PLG: variants seen among roughly 807,000 people sequenced by gnomAD.
PLG encodes plasminogen, also known as plasmin.
PLG carries 41 observed loss-of-function variants against 104.4 expected under a neutral mutation model. The observed-to-expected ratio is 0.39, with a 90% CI of 0.31 to 0.51. The LOEUF (loss-of-function observed/expected upper bound fraction) is 0.51. Among genes scored for constraint, PLG ranks in the 20% least tolerant of loss-of-function variants. The pLI, the probability that PLG is intolerant of heterozygous loss-of-function variation, is 0.76. For missense variants in PLG, 891 were observed against 1,003.6 expected, an observed-to-expected ratio of 0.89 and a Z score of 1.52; for synonymous variants, 337 against 357.1, an observed-to-expected ratio of 0.94 and a Z score of 0.63.
At chr6:160,712,620 A>G (rs1777664824) in intron 4 of PLG, among the ~76,000 whole-genome samples, 1 of 152,224 alleles carries the variant, frequency 6.6e-6, no homozygotes, top group Non-Finnish European at 1.5e-5. Flanking sequence ...GTTCACATGG[A>G]CAAAATGGTA....
At chr6:160,708,220 T>G (rs2115152743) in intron 3 of PLG, 1 of 165,482 alleles carries the variant, frequency 6.0e-6, no homozygotes, top group South Asian at 1.5e-4. Context: ...AATACTGAGG[T>G]GTTTTAATCC....
chr6:160,723,424 A>G lies in PLG; in HGVS notation c.1256+857A>G, dbSNP rs2115168022. On this transcript the variant is annotated intron_variant, in intron 10 of 18. Transcript: ENST00000308192. The surrounding 1 kb of genome is among the most constrained non-coding windows in gnomAD (Gnocchi z 4.7). ...ACAGATAAACTGAGATAATTTAGAA[A>G]GGGAATCAAATGAGATCAACCCAAT... Among the ~76,000 whole-genome samples, 1 of 152,326 alleles carries G rather than the reference A, an allele frequency of 6.6e-6. No individual in the cohort carries two copies. The highest frequency in any genetic ancestry group is 1.9e-4 in the East Asian group (1 of 5,188).
In PLG at chr6:160,706,587, A is replaced by T. The variant is rs771871102; in HGVS notation, c.185+45A>T. The T allele has an allele frequency of 1.5e-5, 24 of 1,568,032 alleles. No homozygotes were observed. In the South Asian group the frequency reaches 1.8e-4, roughly 12 times the overall value. On this transcript the variant is annotated intron_variant, in intron 2 of 18. Coordinates refer to ENST00000308192, the MANE Select transcript of PLG (RefSeq NM_000301.5). ...ACCTACGCAGGAATCTGTAATTCAGATGGCAAGTAATTTACTCACAAATTT... is the reference window on the plus strand; with the variant it reads ...ACCTACGCAGGAATCTGTAATTCAGTTGGCAAGTAATTTACTCACAAATTT...
rs1777795780 is a variant in PLG, at chr6:160,719,461, A to G, written c.1096+623A>G. 6.6e-6 allele frequency among the ~76,000 whole-genome samples: 1 copy of G among 152,172 alleles called. No homozygotes were observed. On this transcript the variant is annotated intron_variant, in intron 9 of 18. Transcript: ENST00000308192. This position sits in a 1 kb window ranked among gnomAD's most constrained non-coding sequence, Gnocchi z 4.1. The stretch of plus-strand genomic sequence containing the variant: ...TATATCTTTTAAATTTGTATGATAT[A>G]TCTTTTAAATTTATCTGAGCTTTTA...
Position 160,738,458 on chromosome 6 carries a change from C to T in PLG, c.1803-80C>T, listed in dbSNP as rs1011526421. 17 of 879,610 alleles carry T rather than the reference C, an allele frequency of 1.9e-5. No homozygotes were observed. Among genetic ancestry groups the T allele is most frequent in the South Asian group, 3.9e-5 (3 of 76,238 alleles). 54.5% of individuals were successfully genotyped at this position (879,610 alleles called of 1,614,324 possible). A position where few individuals can be genotyped will look rare whatever the true frequency, so the allele number is the denominator to read the frequency against. ...ATGAACATGGTCAAAATTAAGTGAA[C>T]GTGTCTTTCTGGCTTTCTGTACAAT... On this transcript the variant is annotated intron_variant, in intron 14 of 18. Coordinates refer to ENST00000308192, the MANE Select transcript of PLG (RefSeq NM_000301.5). The surrounding 1 kb of genome is among the most constrained non-coding windows in gnomAD (Gnocchi z 6.8).
At position 160,737,729 on chromosome 6, in the gene PLG, TAA is replaced by T. The variant is rs1413985549; in HGVS notation, c.1802+724_1802+725del. On this transcript the variant is annotated intron_variant, in intron 14 of 18. Coordinates refer to ENST00000308192, the MANE Select transcript of PLG (RefSeq NM_000301.5). The surrounding 1 kb of genome is among the most constrained non-coding windows in gnomAD (Gnocchi z 4.7). ...CCTGTGCTCAATTGCTGTTTTCCCC[TAA>T]AGAGACTCTTTTCCATAAGTTTGTG... Among the ~76,000 whole-genome samples, 1 of 152,212 alleles carries T rather than the reference TAA, an allele frequency of 6.6e-6. No individual in the cohort carries two copies. The highest frequency in any genetic ancestry group is 1.5e-5 in the Non-Finnish European group (1 of 68,030).
intron 17 of PLG, among the ~76,000 whole-genome samples, chr6:160,751,827 T>C (rs1778407019): frequency 6.6e-6 from 1 of 152,244 alleles, no homozygotes; most frequent in Non-Finnish European, 1.5e-5. Context: ...TTTCAGACTC[T>C]ACATTTTAAA....
chr6:160,739,140 G>A lies in PLG; in HGVS notation c.1950G>A (p.Gln650=), dbSNP rs768551185. 1 of 1,614,144 alleles carries A rather than the reference G, an allele frequency of 6.2e-7. No individual in the cohort carries two copies. The highest frequency in any genetic ancestry group is 8.5e-7 in the Non-Finnish European group (1 of 1,180,012). Residue 650 remains glutamine (Q), a synonymous_variant, in exon 16 of 19, where the codon CAG becomes CAA. Transcript: ENST00000308192. This position sits in a 1 kb window ranked among gnomAD's most constrained non-coding sequence, Gnocchi z 4.4. ...AAGTGAATCTCGAACCGCATGTTCAGGAAATAGAAGTGTCTAGGCTGTTCT... is the reference window on the plus strand; with the variant it reads ...AAGTGAATCTCGAACCGCATGTTCAAGAAATAGAAGTGTCTAGGCTGTTCT... The part of the protein sequence containing the change: ...HQEVNLEPHV[Q]EIEVSRLFLE...
At position 160,753,349 on chromosome 6, in the gene PLG, T is replaced by A. The variant is rs979927164; in HGVS notation, c.*288T>A. 12 of 447,524 alleles carry A rather than the reference T, an allele frequency of 2.7e-5. No individual in the cohort carries two copies. Among genetic ancestry groups the A allele is most frequent in the African/African-American group, 2.2e-4 (11 of 50,068 alleles). 27.7% of individuals were successfully genotyped at this position (447,524 alleles called of 1,614,324 possible). A position where few individuals can be genotyped will look rare whatever the true frequency, so the allele number is the denominator to read the frequency against. On this transcript the variant is annotated 3_prime_UTR_variant, in exon 19 of 19. Coordinates refer to ENST00000308192, the MANE Select transcript of PLG (RefSeq NM_000301.5). The surrounding 1 kb of genome is among the most constrained non-coding windows in gnomAD (Gnocchi z 5.4). Reference sequence around the variant, plus strand: ...TGCTCTTTGTTCACCCCACCAATTTTTAAATGGGCAGATGGGGGGATTTAG... The same window carrying A: ...TGCTCTTTGTTCACCCCACCAATTTATAAATGGGCAGATGGGGGGATTTAG...
intron 3 of PLG, among the ~76,000 whole-genome samples, chr6:160,710,443 C>T (rs1244737786): frequency 6.6e-6 from 1 of 151,930 alleles, no homozygotes; most frequent in Non-Finnish European, 1.5e-5. Context: ...GCATGTGGAC[C>T]CAGGTGGGCA....
Position 160,739,231 on chromosome 6 carries a change from C to T in PLG, c.2018+23C>T. On this transcript the variant is annotated intron_variant, in intron 16 of 18. Coordinates refer to ENST00000308192, the MANE Select transcript of PLG (RefSeq NM_000301.5). This position sits in a 1 kb window ranked among gnomAD's most constrained non-coding sequence, Gnocchi z 4.4. Reference sequence around the variant, plus strand: ...CAGGTACTCGTTCACCTGTGGTCTTCACCCCACGCTGGTGAAGATATTTGC... The same window carrying T: ...CAGGTACTCGTTCACCTGTGGTCTTTACCCCACGCTGGTGAAGATATTTGC... The T allele has an allele frequency of 6.2e-7, 1 of 1,614,048 alleles. No individual in the cohort carries two copies. Among genetic ancestry groups the T allele is most frequent in the Non-Finnish European group, 8.5e-7 (1 of 1,179,956 alleles).
At chr6:160,742,456 T>C (rs1321282695) in intron 17 of PLG, among the ~76,000 whole-genome samples, 17 of 152,196 alleles carry the variant, frequency 1.1e-4, no homozygotes, top group Admixed American at 1.0e-3. Flanking sequence ...ATGTCTTCTT[T>C]AGAAAAGTGT....
chr6:160,731,326 G>A lies in PLG; in HGVS notation c.1438+94G>A, dbSNP rs554476170. On this transcript the variant is annotated intron_variant, in intron 11 of 18. Coordinates refer to ENST00000308192, the MANE Select transcript of PLG (RefSeq NM_000301.5). This position sits in a 1 kb window ranked among gnomAD's most constrained non-coding sequence, Gnocchi z 5.1. ...GATGCAGAAACCTTCCATGCTACACGAGAAATCAAGTGTTTTTAGAGGGTC... is the reference window on the plus strand; with the variant it reads ...GATGCAGAAACCTTCCATGCTACACAAGAAATCAAGTGTTTTTAGAGGGTC... The A allele has an allele frequency of 1.7e-5, 19 of 1,119,340 alleles. No homozygotes were observed. Among genetic ancestry groups the A allele is most frequent in the East Asian group, 1.2e-4 (5 of 41,780 alleles). The allele number at this position is 1,119,340 out of a possible 1,614,324, so 69.3% of individuals were successfully genotyped here. A position where few individuals can be genotyped will look rare whatever the true frequency, so the allele number is the denominator to read the frequency against.
In PLG at chr6:160,731,976, G is replaced by A; in HGVS notation, c.1587+83G>A. 2.2e-6 allele frequency: 3 copies of A among 1,386,844 alleles called. No individual in the cohort carries two copies. The highest frequency in any genetic ancestry group is 2.0e-6 in the Non-Finnish European group (2 of 977,356). 85.9% of individuals were successfully genotyped at this position (1,386,844 alleles called of 1,614,324 possible). On this transcript the variant is annotated intron_variant, in intron 12 of 18. Transcript: ENST00000308192. This position sits in a 1 kb window ranked among gnomAD's most constrained non-coding sequence, Gnocchi z 5.1. ...ATTGGTTCTGTGTTACAGAAAATCT[G>A]ACCTGGACTGCTCTTTTTTGTAATG...
In PLG at chr6:160,744,441, G is replaced by A. The variant is rs1034062568; in HGVS notation, c.2125+3024G>A. On this transcript the variant is annotated intron_variant, in intron 17 of 18. Coordinates refer to ENST00000308192, the MANE Select transcript of PLG (RefSeq NM_000301.5). The surrounding 1 kb of genome is among the most constrained non-coding windows in gnomAD (Gnocchi z 4.5). ...ATCTCTTTTAGGTTTTCTAGTTTGT[G>A]TGCATGGAGCTGTTTGTAGTAGTTT... 1.2e-4 allele frequency among the ~76,000 whole-genome samples: 18 copies of A among 152,114 alleles called. No individual in the cohort carries two copies. Among genetic ancestry groups the A allele is most frequent in the Non-Finnish European group, 2.9e-5 (2 of 68,000 alleles).
At position 160,705,950 on chromosome 6, in the gene PLG, G is replaced by A. The variant is rs139361884; in HGVS notation, c.50-457G>A. On this transcript the variant is annotated intron_variant, in intron 1 of 18. Transcript: ENST00000308192. ...AGTAGTGGTTCCATAGTTCTAACCT[G>A]TTTGTCAATCCAGTTAATCTTTTAC... The A allele has an allele frequency of 1.9e-3, 381 of 197,750 alleles. 3 individuals carry two copies. Among genetic ancestry groups the A allele is most frequent in the African/African-American group, 8.6e-3 (365 of 42,346 alleles). The allele number at this position is 197,750 out of a possible 1,614,324, so 12.2% of individuals were successfully genotyped here. A position where few individuals can be genotyped will look rare whatever the true frequency, so the allele number is the denominator to read the frequency against.
chr6:160,742,793 G>GT (rs1292764028), intron 17 of PLG, among the ~76,000 whole-genome samples: 1 of 152,134 alleles, frequency 6.6e-6, no homozygotes, highest in Non-Finnish European at 1.5e-5. Flanking sequence ...TTACATTTAA[G>GT]TCTTTAATCC....
At chr6:160,746,000 T>C (rs1291090993) in intron 17 of PLG, among the ~76,000 whole-genome samples, 1 of 152,222 alleles carries the variant, frequency 6.6e-6, no homozygotes, top group Non-Finnish European at 1.5e-5. Flanking sequence ...GGTATGCTGT[T>C]AGATTGATGG....
rs1354444329 is a variant in PLG, at chr6:160,734,089, G to A, written c.1681+1G>A. 1 of 1,571,102 alleles carries A rather than the reference G, an allele frequency of 6.4e-7. No homozygotes were observed. Among genetic ancestry groups the A allele is most frequent in the Non-Finnish European group, 8.8e-7 (1 of 1,141,214 alleles). On this transcript the variant is annotated splice_donor_variant, in intron 13 of 18. Coordinates refer to ENST00000308192, the MANE Select transcript of PLG (RefSeq NM_000301.5). LOFTEE classifies it high-confidence loss of function. The surrounding 1 kb of genome is among the most constrained non-coding windows in gnomAD (Gnocchi z 4.4). ...GACTACTGTGATGTCCCTCAGTGTG[G>A]TAGGTTGCCTTCTTTTTGGTAAGGA...
Sources: allele counts gnomAD v4.1 joint callset (sites outside exome capture counted in the v4.1 genomes callset), GRCh38; gene constraint gnomAD v4.1.1; non-coding constraint Gnocchi (gnomAD v3.1); transcripts MANE v1.5; gene names NCBI Gene and HGNC (gene_info 2026-07-23, HGNC 2026-07-21).